FOXP1: variants seen among roughly 807,000 people sequenced by gnomAD.
FOXP1 encodes forkhead box P1, also known as forkhead box protein P1.
FOXP1 carries 15 observed loss-of-function variants against 98.2 expected under a neutral mutation model. That is an observed-to-expected ratio of 0.15 (90% confidence interval 0.10 to 0.24). The LOEUF is 0.24. FOXP1 is among the 10% of genes least tolerant of loss of function. The pLI is 1.00. For synonymous variants in FOXP1, 371 were observed against 314.5 expected, an observed-to-expected ratio of 1.18 and a Z score of -1.90; for missense variants, 633 against 848.5, an observed-to-expected ratio of 0.75 and a Z score of 3.15.
chr3:71,229,628 TTCA>T (rs2066121895), intron 5 of FOXP1, among the ~76,000 whole-genome samples: 1 of 152,132 alleles, frequency 6.6e-6, no homozygotes, highest in Non-Finnish European at 1.5e-5. Flanking sequence ...TTATTCAGAT[TTCA>T]TCATACAGGC....
intron 3 of FOXP1, among the ~76,000 whole-genome samples, chr3:71,388,083 C>T (rs1414672554): frequency 1.3e-5 from 2 of 152,104 alleles, no homozygotes; most frequent in South Asian, 2.1e-4. Context: ...AGTGGATTTC[C>T]TTTTCTAACT....
chr3:71,571,738 C>T (rs909693326), intron 2 of FOXP1: 7 of 152,116 alleles, frequency 4.6e-5, no homozygotes, highest in African/African-American at 1.2e-4. Flanking sequence ...TCTATCCACT[C>T]GAAATGAACA....
rs546938117 is a variant in FOXP1, at chr3:71,406,176, A to C, written c.-167-46932T>G. 3.3e-5 allele frequency among the ~76,000 whole-genome samples: 5 copies of C among 152,060 alleles called. No individual in the cohort carries two copies. In the South Asian group the frequency reaches 1.0e-3, roughly 32 times the overall value. ...TGTGTAACAAATTCCTGCAAACTTA[A>C]GGGCTTAAAACAACACACATTTCTT... is the stretch of plus-strand genomic sequence containing the variant. On this transcript the variant is annotated intron_variant, in intron 3 of 20. Transcript: ENST00000649528.
At chr3:71,579,099 G>A (rs969978365) in intron 2 of FOXP1, among the ~76,000 whole-genome samples, 3 of 152,032 alleles carry the variant, frequency 2.0e-5, no homozygotes, top group Admixed American at 6.6e-5. Flanking sequence ...CTATGTGACC[G>A]ACACTTGTTA....
rs77344720 is a variant in FOXP1, at chr3:71,219,527, G to A, written c.-11-21135C>T. Among the ~76,000 whole-genome samples, 412 of 152,234 alleles carry A rather than the reference G, an allele frequency of 2.7e-3. 1 individual carries two copies. The highest frequency in any genetic ancestry group is 9.0e-3 in the African/African-American group (375 of 41,550). On this transcript the variant is annotated intron_variant, in intron 5 of 20. Transcript: ENST00000649528. ...GGTATGTGAATCTCTTCTTTTAACCGTAAGTTTTATGAAATCGAAATACAG... is the reference window on the plus strand; with the variant it reads ...GGTATGTGAATCTCTTCTTTTAACCATAAGTTTTATGAAATCGAAATACAG...
chr3:71,517,562 A>T (rs2107403842), intron 2 of FOXP1, among the ~76,000 whole-genome samples: 1 of 152,334 alleles, frequency 6.6e-6, no homozygotes, highest in East Asian at 1.9e-4. Flanking sequence ...GAGATTTTTC[A>T]TCCAATCCTT....
At chr3:71,011,275 T>C (rs1395573984) in intron 12 of FOXP1, among the ~76,000 whole-genome samples, 1 of 152,076 alleles carries the variant, frequency 6.6e-6, no homozygotes, top group Non-Finnish European at 1.5e-5. Flanking sequence ...GGGGTGAACA[T>C]CTCCCTCTGT....
intron 6 of FOXP1, among the ~76,000 whole-genome samples, chr3:71,127,712 G>T (rs967967794): frequency 6.6e-6 from 1 of 152,200 alleles, no homozygotes; most frequent in Non-Finnish European, 1.5e-5. Flanking sequence ...AATTGTAAAT[G>T]ATTTTAACAA....
intron 3 of FOXP1, among the ~76,000 whole-genome samples, chr3:71,449,675 T>C (rs1331644409): frequency 2.0e-5 from 3 of 152,202 alleles, no homozygotes; most frequent in South Asian, 4.1e-4. Flanking sequence ...TTCTCAGATA[T>C]AATTTTTGCC....
intron 14 of FOXP1, among the ~76,000 whole-genome samples, chr3:70,985,501 G>C (rs922358423): frequency 6.6e-6 from 1 of 151,932 alleles, no homozygotes; most frequent in Non-Finnish European, 1.5e-5. Context: ...TGATTTATAA[G>C]ATGGTATCTT....
chr3:71,455,361 G>C (rs1261478891), intron 3 of FOXP1, among the ~76,000 whole-genome samples: 1 of 152,010 alleles, frequency 6.6e-6, no homozygotes, highest in African/African-American at 2.4e-5. Flanking sequence ...CTTTGTCTAG[G>C]ACCAAACCAA....
intron 4 of FOXP1, among the ~76,000 whole-genome samples, chr3:71,330,338 T>C (rs2076217656): frequency 1.3e-5 from 2 of 152,254 alleles, no homozygotes; most frequent in Admixed American, 6.5e-5. Context: ...ATTCATTACA[T>C]ATAAAATATT....
chr3:70,994,407 G>C (rs1223832245), intron 13 of FOXP1, among the ~76,000 whole-genome samples: 1 of 152,102 alleles, frequency 6.6e-6, no homozygotes, highest in Non-Finnish European at 1.5e-5. Context: ...AATTTTAAGA[G>C]CAATATATCC....
intron 18 of FOXP1, 30 bp downstream of exon 18, chr3:70,972,525 G>A (rs772859065): frequency 2.3e-5 from 37 of 1,613,898 alleles, no homozygotes; most frequent in Non-Finnish European, 3.0e-5. Flanking sequence ...ATCCAAGCTA[G>A]GCTAAGAAGT....
chr3:71,187,970 G>A (rs1394324066), intron 6 of FOXP1, among the ~76,000 whole-genome samples: 1 of 152,154 alleles, frequency 6.6e-6, no homozygotes, highest in Non-Finnish European at 1.5e-5. Context: ...GAATACAGGA[G>A]GCTATAAAGA....
At chr3:71,314,188 A>AATTT (rs1414517536) in intron 4 of FOXP1, among the ~76,000 whole-genome samples, 4 of 152,210 alleles carry the variant, frequency 2.6e-5, no homozygotes, top group African/African-American at 7.2e-5. Flanking sequence ...AACTTAAATA[A>AATTT]ATCTAAAACA....
At chr3:71,326,583 A>C (rs2075705959) in intron 4 of FOXP1, among the ~76,000 whole-genome samples, 1 of 152,136 alleles carries the variant, frequency 6.6e-6, no homozygotes, top group African/African-American at 2.4e-5. Flanking sequence ...GAAGGAAGGG[A>C]GAGTTTGGAG....
At position 71,482,258 on chromosome 3, in the gene FOXP1, T is replaced by A. The variant is rs76501093; in HGVS notation, c.-168+11168A>T. Among the ~76,000 whole-genome samples, 685 of 152,328 alleles carry A rather than the reference T, an allele frequency of 4.5e-3. 6 individuals carry two copies. Among genetic ancestry groups the A allele is most frequent in the African/African-American group, 0.016 (659 of 41,558 alleles). On this transcript the variant is annotated intron_variant, in intron 3 of 20. Coordinates refer to ENST00000649528, the MANE Select transcript of FOXP1 (RefSeq NM_001349338.3). ...ATAGTTTTCCTTAAGCTTCTCACAT[T>A]TTTATTAATGTCATAATTAGCAATA...
intron 3 of FOXP1, among the ~76,000 whole-genome samples, chr3:71,489,324 A>C (rs1318796025): frequency 6.6e-6 from 1 of 152,206 alleles, no homozygotes; most frequent in Non-Finnish European, 1.5e-5. Flanking sequence ...AAACAGTTGT[A>C]AGCAAATAAC....
Sources: allele counts gnomAD v4.1 joint callset (sites outside exome capture counted in the v4.1 genomes callset), GRCh38; gene constraint gnomAD v4.1.1; transcripts MANE v1.5; gene names NCBI Gene and HGNC (gene_info 2026-07-23, HGNC 2026-07-21).